Variants in TXLNB observed in about 807,000 individuals in gnomAD.
TXLNB encodes the protein beta-taxilin.
A neutral mutation model predicts 57.4 loss-of-function variants in TXLNB; 37 were observed. The ratio of observed to expected loss-of-function variants is 0.64; its 90% confidence interval spans 0.50 to 0.85. The LOEUF is 0.85. Ranked by LOEUF, TXLNB falls within the 40% of genes least tolerant of loss-of-function variation. The probability of loss-of-function intolerance (pLI) is 0.00; values close to 1 mark genes in which losing one functional copy is unlikely to be tolerated. For synonymous variants in TXLNB, 302 were observed against 309.6 expected (o/e 0.98, Z 0.26); for missense variants, 848 against 825.6 (o/e 1.03, Z -0.33).
chr6:139,253,623 G>C (rs1016832027), intron 7 of TXLNB, among the ~76,000 whole-genome samples: 11 of 152,128 alleles, frequency 7.2e-5, no homozygotes, highest in Admixed American at 7.2e-4. Context: ...AGGAACAATA[G>C]CAAATCTAGA....
At chr6:139,257,308 A>G (rs1776369534) in intron 6 of TXLNB, among the ~76,000 whole-genome samples, 1 of 152,046 alleles carries the variant, frequency 6.6e-6, no homozygotes, top group Non-Finnish European at 1.5e-5. Context: ...ATAGCTACTC[A>G]TATCTAGTTT....
the TXLNB span, among the ~76,000 whole-genome samples, chr6:139,201,416 G>A: frequency 2.6e-5 from 4 of 152,260 alleles, no homozygotes; most frequent in South Asian, 2.1e-4. Flanking sequence ...TAGCTGGCAC[G>A]ATAAGGAATT....
chr6:139,251,449 T>C (rs138890304), intron 7 of TXLNB: 1 of 152,350 alleles, frequency 6.6e-6, no homozygotes, highest in African/African-American at 2.4e-5. Flanking sequence ...CTCTCCTACT[T>C]ACTAAATGTT....
the TXLNB span, among the ~76,000 whole-genome samples, chr6:139,302,438 T>G: frequency 6.6e-6 from 1 of 151,898 alleles, no homozygotes; most frequent in East Asian, 1.9e-4. Flanking sequence ...TCTATAATAT[T>G]TCTTCCAAAA....
the TXLNB span, among the ~76,000 whole-genome samples, chr6:139,313,017 G>A: frequency 6.6e-6 from 1 of 151,462 alleles, no homozygotes; most frequent in African/African-American, 2.4e-5. Flanking sequence ...TCATCCCTGA[G>A]TTTCTCTAAT....
chr6:139,252,224 T>TG (rs1473320416), intron 7 of TXLNB, among the ~76,000 whole-genome samples: 3 of 152,272 alleles, frequency 2.0e-5, no homozygotes, highest in African/African-American at 7.2e-5. Context: ...TTGATAATTC[T>TG]GTTGCCCAGA....
intron 2 of TXLNB, among the ~76,000 whole-genome samples, chr6:139,281,992 C>T (rs1467466213): frequency 8.6e-5 from 13 of 151,992 alleles, no homozygotes; most frequent in Middle Eastern, 3.4e-3. Flanking sequence ...TTCCTCAAGG[C>T]TTTTCTCTCC....
the TXLNB span, among the ~76,000 whole-genome samples, chr6:139,187,892 CATTAA>C: frequency 7.2e-5 from 11 of 152,196 alleles, no homozygotes; most frequent in African/African-American, 2.2e-4. Context: ...TAAATGAAAT[CATTAA>C]ATTAAGTGTT....
the TXLNB span, among the ~76,000 whole-genome samples, chr6:139,216,560 G>A: frequency 6.6e-6 from 1 of 151,882 alleles, no homozygotes; most frequent in East Asian, 1.9e-4. Context: ...CACCAACATG[G>A]CACATGTATA....
the TXLNB span, among the ~76,000 whole-genome samples, chr6:139,214,924 T>A: frequency 6.6e-6 from 1 of 152,124 alleles, no homozygotes; most frequent in South Asian, 2.1e-4. Context: ...TTACAAGGGA[T>A]GTGAAGGACC....
At chr6:139,226,578 A>C in the TXLNB span, among the ~76,000 whole-genome samples, 1 of 152,200 alleles carries the variant, frequency 6.6e-6, no homozygotes. Context: ...AGAAATATAA[A>C]GCATTACTAC....
At position 139,240,724 on chromosome 6, in the gene TXLNB, T is replaced by C. The variant is rs757068409; in HGVS notation, c.*1802A>G. 1.2e-4 allele frequency: 19 copies of C among 152,578 alleles called. No homozygotes were observed. Among genetic ancestry groups the C allele is most frequent in the East Asian group, 1.9e-4 (1 of 5,194 alleles). 9.5% of individuals were successfully genotyped at this position (152,578 alleles called of 1,614,324 possible). A position where few individuals can be genotyped will look rare whatever the true frequency, so the allele number is the denominator to read the frequency against. ...AAATAGCGACAAGCTTTTTTCCTGA[T>C]TTTTTTTCCTGCCTAGCAACTTTGT... On this transcript the variant is annotated 3_prime_UTR_variant, in exon 10 of 10. Coordinates refer to ENST00000358430, the MANE Select transcript of TXLNB (RefSeq NM_153235.4).
the TXLNB span, among the ~76,000 whole-genome samples, chr6:139,188,553 G>A: frequency 1.3e-5 from 2 of 152,168 alleles, no homozygotes; most frequent in Non-Finnish European, 2.9e-5. Flanking sequence ...CAAAGCATTT[G>A]ACTTATAAGG....
At chr6:139,256,618 G>A (rs113407865) in intron 6 of TXLNB, among the ~76,000 whole-genome samples, 2,745 of 152,342 alleles carry the variant, frequency 0.018, 72 homozygotes, top group African/African-American at 0.058. Flanking sequence ...GTGAGCCGCC[G>A]TGCCCGGCCA....
At chr6:139,207,035 G>T in the TXLNB span, among the ~76,000 whole-genome samples, 1 of 152,060 alleles carries the variant, frequency 6.6e-6, no homozygotes, top group Non-Finnish European at 1.5e-5. Context: ...ATAATAGTGC[G>T]GGACTTCAGT....
At chr6:139,308,581 T>C in the TXLNB span, among the ~76,000 whole-genome samples, 1 of 152,218 alleles carries the variant, frequency 6.6e-6, no homozygotes, top group African/African-American at 2.4e-5. Flanking sequence ...AACCACACTA[T>C]TGTGTATGGA....
the TXLNB span, among the ~76,000 whole-genome samples, chr6:139,207,407 T>C: frequency 6.6e-6 from 1 of 152,120 alleles, no homozygotes; most frequent in Non-Finnish European, 1.5e-5. Flanking sequence ...GAAATCAAGA[T>C]GGAAATTAAA....
At chr6:139,255,042 G>A (rs1776300528) in intron 7 of TXLNB, among the ~76,000 whole-genome samples, 1 of 152,082 alleles carries the variant, frequency 6.6e-6, no homozygotes, top group Admixed American at 6.5e-5. Context: ...GGCTGGTCTC[G>A]AACTCCTGAC....
In TXLNB at chr6:139,242,790, T is replaced by TG; in HGVS notation, c.1790dup (p.Gln598ThrfsTer3). The TG allele has an allele frequency of 6.2e-7, 1 of 1,614,130 alleles. No homozygotes were observed. Among genetic ancestry groups the TG allele is most frequent in the Non-Finnish European group, 8.5e-7 (1 of 1,180,010 alleles). Reference sequence around the variant, plus strand: ...GCTTCCAGGACGCCTGATCAGCCTGTGCTCCAACAGGGAGACCCTCGCATT... The same window carrying TG: ...GCTTCCAGGACGCCTGATCAGCCTGTGGCTCCAACAGGGAGACCCTCGCATT... On this transcript the variant is annotated frameshift_variant, in exon 10 of 10. Coordinates refer to ENST00000358430, the MANE Select transcript of TXLNB (RefSeq NM_153235.4). LOFTEE classifies it low-confidence loss of function (END_TRUNC).
Sources: allele counts gnomAD v4.1 joint callset (sites outside exome capture counted in the v4.1 genomes callset), GRCh38; gene constraint gnomAD v4.1.1; transcripts MANE v1.5; gene names NCBI Gene and HGNC (gene_info 2026-07-23, HGNC 2026-07-21).